SMAD6: variants seen among roughly 807,000 people sequenced by gnomAD.
The protein encoded by SMAD6 is SMAD family member 6, also known as MAD homolog 6.
SMAD6 carries 103 observed loss-of-function variants against 39.4 expected under a neutral mutation model. The ratio of observed to expected loss-of-function variants is 2.62; its 90% CI spans 2.23 to 3.08. The LOEUF is 3.08. Ranked by LOEUF, SMAD6 falls within the 30% of genes most tolerant of loss-of-function variation. The pLI is 0.00. For synonymous variants in SMAD6, 445 were observed against 353.3 expected, an observed-to-expected ratio of 1.26 and a Z score of -2.91; for missense variants, 1,104 against 742.9, an observed-to-expected ratio of 1.49 and a Z score of -5.65.
intron 1 of SMAD6, chr15:66,706,658 C>G (rs1044923733): frequency 4.6e-5 from 7 of 152,398 alleles, no homozygotes; most frequent in Admixed American, 3.3e-4. Context: ...CAGACAGATG[C>G]GCGCACACAC....
intron 3 of SMAD6, among the ~76,000 whole-genome samples, chr15:66,736,619 C>T (rs1197064338): frequency 4.0e-5 from 6 of 151,832 alleles, no homozygotes; most frequent in Non-Finnish European, 8.8e-5. Flanking sequence ...CACCCCAGAC[C>T]AGTTACATCA....
chr15:66,728,640 C>T (rs60776039), intron 3 of SMAD6, among the ~76,000 whole-genome samples: 19,528 of 151,994 alleles, frequency 0.13, 1,488 homozygotes, highest in Admixed American at 0.24. Flanking sequence ...CTCCTGACCT[C>T]GTGATCTGCC....
At chr15:66,704,191 T>C in intron 1 of SMAD6, 116 bp downstream of exon 1, 1 of 857,420 alleles carries the variant, frequency 1.2e-6, no homozygotes, top group Non-Finnish European at 1.6e-6. Context: ...CCGGGTGCCC[T>C]TGGAGCGTGG....
In SMAD6 at chr15:66,704,007, TCGC is replaced by T. The variant is rs774732566; in HGVS notation, c.761_763del (p.Ala254del). ...AAGCCCCTGTGCGGCTGCCACAGCT[TCGC>T]CGCCGCCGCCGACGGCCCTACCGTG... On this transcript the variant is annotated inframe_deletion, in exon 1 of 4. Coordinates refer to ENST00000288840, the MANE Select transcript of SMAD6 (RefSeq NM_005585.5). 2.7e-5 allele frequency: 40 copies of T among 1,495,100 alleles called. No homozygotes were observed. The highest frequency in any genetic ancestry group is 1.7e-4 in the Admixed American group (8 of 46,298). 92.6% of individuals were successfully genotyped at this position (1,495,100 alleles called of 1,614,324 possible).
intron 3 of SMAD6, among the ~76,000 whole-genome samples, chr15:66,770,552 T>C (rs1026093843): frequency 1.3e-5 from 2 of 152,130 alleles, no homozygotes; most frequent in Non-Finnish European, 2.9e-5. Context: ...AAGCAAGGCT[T>C]TCCCACCCCA....
chr15:66,729,440 A>T (rs370231167), intron 3 of SMAD6, among the ~76,000 whole-genome samples: 20 of 152,346 alleles, frequency 1.3e-4, no homozygotes, highest in African/African-American at 4.6e-4. Context: ...CCCCGGGAGC[A>T]GCCGGCCGGG....
Position 66,777,121 on chromosome 15 carries a change from G to A in SMAD6, c.953-3876G>A, listed in dbSNP as rs537581968. ...AACATGTGTTGGTTTGTGGAAGCCT[G>A]AAGTGTTGGGTCTCACTGGATAAGA... On this transcript the variant is annotated intron_variant, in intron 3 of 3. Transcript: ENST00000288840. Among the ~76,000 whole-genome samples, 81 of 152,318 alleles carry A rather than the reference G, an allele frequency of 5.3e-4. 1 individual carries two copies. Among genetic ancestry groups the A allele is most frequent in the African/African-American group, 1.8e-3 (75 of 41,548 alleles).
chr15:66,717,092 C>T (rs1893344291), intron 3 of SMAD6: 1 of 1,288,740 alleles, frequency 7.8e-7, no homozygotes, highest in Admixed American at 2.3e-5. Flanking sequence ...CATAGGGACC[C>T]CTACATCCGG....
intron 3 of SMAD6, among the ~76,000 whole-genome samples, chr15:66,732,962 G>C (rs1008862806): frequency 1.3e-5 from 2 of 151,686 alleles, no homozygotes; most frequent in Non-Finnish European, 2.9e-5. Flanking sequence ...TTACATTTAG[G>C]TTTATAATCC....
intron 3 of SMAD6, among the ~76,000 whole-genome samples, chr15:66,742,454 C>G (rs947086213): frequency 1.3e-5 from 2 of 152,070 alleles, no homozygotes. Context: ...CTTCCCAGTG[C>G]GCCTGCCCTG....
chr15:66,777,831 C>G (rs1894492698), intron 3 of SMAD6, among the ~76,000 whole-genome samples: 1 of 152,224 alleles, frequency 6.6e-6, no homozygotes, highest in Non-Finnish European at 1.5e-5. Flanking sequence ...ACCAAGGAAG[C>G]CGCAGGGGAT....
At chr15:66,756,240 A>C (rs71398281) in intron 3 of SMAD6, among the ~76,000 whole-genome samples, 13 of 151,880 alleles carry the variant, frequency 8.6e-5, no homozygotes, top group Middle Eastern at 3.4e-3. Flanking sequence ...GCCCTTTAAA[A>C]AAATTTTTTT....
At chr15:66,744,407 G>A (rs911275329) in intron 3 of SMAD6, among the ~76,000 whole-genome samples, 7 of 152,180 alleles carry the variant, frequency 4.6e-5, no homozygotes, top group South Asian at 2.1e-4. Context: ...AAGATAACAC[G>A]TGTCAGGACA....
intron 3 of SMAD6, among the ~76,000 whole-genome samples, chr15:66,757,956 C>G (rs1408490170): frequency 1.3e-5 from 2 of 152,172 alleles, no homozygotes; most frequent in African/African-American, 4.8e-5. Flanking sequence ...CCGTGGCCAC[C>G]AGCAGAGCCC....
chr15:66,736,897 C>T lies in SMAD6; in HGVS notation c.952+20399C>T, dbSNP rs143284068. Among the ~76,000 whole-genome samples the T allele has an allele frequency of 7.0e-3, 1,060 of 152,150 alleles. 15 individuals are homozygous for T. Among genetic ancestry groups the T allele is most frequent in the African/African-American group, 0.024 (1,012 of 41,520 alleles). Reference sequence around the variant, plus strand: ...GTTGGCCAGGATGGTCTCAATCTCTCGACCTCATGATCCACCCACCTCGGC... The same window carrying T: ...GTTGGCCAGGATGGTCTCAATCTCTTGACCTCATGATCCACCCACCTCGGC... On this transcript the variant is annotated intron_variant, in intron 3 of 3. Coordinates refer to ENST00000288840, the MANE Select transcript of SMAD6 (RefSeq NM_005585.5).
chr15:66,711,769 C>T (rs752934315), intron 2 of SMAD6, 45 bp downstream of exon 2: 11 of 1,484,498 alleles, frequency 7.4e-6, no homozygotes, highest in Admixed American at 6.7e-5. Context: ...GTGTCCCGAA[C>T]TGGGTCCTCT....
At chr15:66,707,167 G>A (rs1304957568) in intron 1 of SMAD6, 1 of 152,120 alleles carries the variant, frequency 6.6e-6, no homozygotes, top group Non-Finnish European at 1.5e-5. Context: ...TATGTGGACG[G>A]AAATGTGGAG....
At chr15:66,710,350 C>A (rs574520889) in intron 1 of SMAD6, among the ~76,000 whole-genome samples, 1 of 152,288 alleles carries the variant, frequency 6.6e-6, no homozygotes, top group African/African-American at 2.4e-5. Flanking sequence ...CTCTCAGTGG[C>A]TACTCTGTGA....
chr15:66,769,892 A>G (rs1320716015), intron 3 of SMAD6, among the ~76,000 whole-genome samples: 1 of 152,080 alleles, frequency 6.6e-6, no homozygotes, highest in Non-Finnish European at 1.5e-5. Context: ...CAGTGGCGCA[A>G]TCTTGGCTCA....
Sources: gnomAD v4.1 joint callset for allele counts (sites outside exome capture counted in the v4.1 genomes callset) on GRCh38, gnomAD v4.1.1 for gene constraint, MANE v1.5 for transcripts, NCBI Gene and HGNC (gene_info 2026-07-23, HGNC 2026-07-21) for gene names.